Variants in SLC2A13 observed in about 807,000 individuals in gnomAD.
SLC2A13 encodes the protein proton myo-inositol cotransporter.
A neutral mutation model predicts 64.4 loss-of-function variants in SLC2A13; 32 were observed. The ratio of observed to expected loss-of-function variants is 0.50; its 90% confidence interval spans 0.37 to 0.67. The LOEUF (loss-of-function observed/expected upper bound fraction) is 0.67. SLC2A13 is among the 30% of genes least tolerant of loss of function. The pLI is 0.00. For synonymous variants in SLC2A13, 338 were observed against 327.1 expected, an observed-to-expected ratio of 1.03 and a Z score of -0.36; for missense variants, 743 against 829.2, an observed-to-expected ratio of 0.90 and a Z score of 1.28.
chr12:40,077,543 T>C (rs1012277135), intron 1 of SLC2A13, among the ~76,000 whole-genome samples: 2 of 152,220 alleles, frequency 1.3e-5, no homozygotes, highest in East Asian at 3.8e-4. Context: ...CATGCTGTTT[T>C]GGTTACTGTA....
At chr12:40,076,095 T>C (rs759208399) in intron 1 of SLC2A13, among the ~76,000 whole-genome samples, 19 of 152,206 alleles carry the variant, frequency 1.2e-4, no homozygotes, top group Non-Finnish European at 4.4e-5. Context: ...TTGTCAGATT[T>C]CCCTGATTCT....
intron 3 of SLC2A13, among the ~76,000 whole-genome samples, chr12:39,990,812 A>C (rs1009758019): frequency 3.3e-5 from 5 of 152,206 alleles, no homozygotes; most frequent in Non-Finnish European, 7.3e-5. Context: ...CTCTCTCTAC[A>C]ACAAAAGCTC....
chr12:39,897,960 T>C (rs77630751), intron 4 of SLC2A13, among the ~76,000 whole-genome samples: 2,829 of 152,256 alleles, frequency 0.019, 25 homozygotes, highest in Non-Finnish European at 0.03. Flanking sequence ...CATGTAAGTT[T>C]ATTATATGCT....
chr12:40,080,478 C>T (rs1200114687), intron 1 of SLC2A13, among the ~76,000 whole-genome samples: 3 of 152,142 alleles, frequency 2.0e-5, no homozygotes. Context: ...GCAACCTCTG[C>T]CTCCCAGGTT....
chr12:40,017,173 A>G (rs1462708270), intron 3 of SLC2A13, among the ~76,000 whole-genome samples: 1 of 152,168 alleles, frequency 6.6e-6, no homozygotes, highest in Non-Finnish European at 1.5e-5. Flanking sequence ...CGTAAACAGA[A>G]AGTCAAAGAA....
chr12:39,962,703 A>C (rs915760514), intron 3 of SLC2A13, among the ~76,000 whole-genome samples: 1 of 152,212 alleles, frequency 6.6e-6, no homozygotes, highest in African/African-American at 2.4e-5. Flanking sequence ...ATTATATGCA[A>C]GGAAAAAAAG....
chr12:39,824,882 G>A (rs2135835629), intron 7 of SLC2A13, among the ~76,000 whole-genome samples: 1 of 152,254 alleles, frequency 6.6e-6, no homozygotes, highest in South Asian at 2.1e-4. Context: ...AGATCAAGGA[G>A]GGTAAATTCT....
At chr12:39,813,079 A>AAGTGATCCACCTACCTCGGCCTCC (rs1942238709) in intron 7 of SLC2A13, among the ~76,000 whole-genome samples, 1 of 130,218 alleles carries the variant, frequency 7.7e-6, no homozygotes, top group Non-Finnish European at 1.6e-5. Flanking sequence ...TCCTGGCCTC[A>AAGTGATCCACCTACCTCGGCCTCC]AGTGATCCAC....
chr12:40,031,176 G>A lies in SLC2A13; in HGVS notation c.717-2667C>T, dbSNP rs376587255. On this transcript the variant is annotated intron_variant, in intron 2 of 9. Transcript: ENST00000280871. ...TGGATGTGGGTGTCACTTCAGCTCCGGGCATACAAACCACAAGAACCTGGT... is the reference window on the plus strand; with the variant it reads ...TGGATGTGGGTGTCACTTCAGCTCCAGGCATACAAACCACAAGAACCTGGT... Among the ~76,000 whole-genome samples, 9 of 152,170 alleles carry A rather than the reference G, an allele frequency of 5.9e-5. No individual in the cohort carries two copies. The East Asian group carries it at 9.7e-4, about 16-fold the overall frequency.
intron 7 of SLC2A13, among the ~76,000 whole-genome samples, chr12:39,772,936 A>G (rs1379901047): frequency 1.3e-5 from 2 of 152,238 alleles, no homozygotes; most frequent in Non-Finnish European, 2.9e-5. Flanking sequence ...TTACATACTC[A>G]GCAATACGTA....
At chr12:39,782,066 A>G (rs1941005039) in intron 7 of SLC2A13, among the ~76,000 whole-genome samples, 1 of 152,228 alleles carries the variant, frequency 6.6e-6, no homozygotes, top group Non-Finnish European at 1.5e-5. Flanking sequence ...AGGTAATCAT[A>G]GTATGGAACT....
At chr12:39,963,736 C>G (rs1396170993) in intron 3 of SLC2A13, among the ~76,000 whole-genome samples, 1 of 152,126 alleles carries the variant, frequency 6.6e-6, no homozygotes. Flanking sequence ...GTTAAAGAAA[C>G]TGTATTTGTA....
intron 3 of SLC2A13, among the ~76,000 whole-genome samples, chr12:40,008,905 C>T (rs1292424995): frequency 1.3e-5 from 2 of 151,992 alleles, no homozygotes; most frequent in Non-Finnish European, 2.9e-5. Context: ...TTTATGATAC[C>T]CCCAAATGTA....
At chr12:40,033,857 A>G (rs1414737737) in intron 2 of SLC2A13, among the ~76,000 whole-genome samples, 1 of 152,194 alleles carries the variant, frequency 6.6e-6, no homozygotes, top group Non-Finnish European at 1.5e-5. Flanking sequence ...AATATGATAG[A>G]TCGAAAGTTG....
intron 1 of SLC2A13, among the ~76,000 whole-genome samples, chr12:40,091,149 C>G (rs774642772): frequency 2.6e-5 from 4 of 152,116 alleles, no homozygotes; most frequent in Admixed American, 1.3e-4. Context: ...CATGGCTAAA[C>G]ATAGAAAAGG....
chr12:39,985,351 T>A (rs1375198994), intron 3 of SLC2A13, among the ~76,000 whole-genome samples: 2 of 152,164 alleles, frequency 1.3e-5, no homozygotes, highest in African/African-American at 4.8e-5. Context: ...ATTATTTGCA[T>A]TCTCTGATGC....
At chr12:40,009,190 G>A (rs515291) in intron 3 of SLC2A13, among the ~76,000 whole-genome samples, 96,460 of 152,038 alleles carry the variant, frequency 0.63, 30,926 homozygotes, top group African/African-American at 0.71. Flanking sequence ...GCGTGGGATC[G>A]ATGTGATGGG....
chr12:39,974,871 CT>C (rs1286051157), intron 3 of SLC2A13, among the ~76,000 whole-genome samples: 1 of 152,180 alleles, frequency 6.6e-6, no homozygotes, highest in Non-Finnish European at 1.5e-5. Flanking sequence ...TCACAGAAAA[CT>C]TACAGGCAAA....
chr12:39,964,719 G>A (rs1232395016), intron 3 of SLC2A13, among the ~76,000 whole-genome samples: 1 of 152,128 alleles, frequency 6.6e-6, no homozygotes, highest in African/African-American at 2.4e-5. Flanking sequence ...TGGATCTTAG[G>A]ATCTATTTTT....
Sources: allele counts gnomAD v4.1 joint callset (sites outside exome capture counted in the v4.1 genomes callset), GRCh38; gene constraint gnomAD v4.1.1; transcripts MANE v1.5; gene names NCBI Gene and HGNC (gene_info 2026-07-23, HGNC 2026-07-21).